Variants in CSGALNACT1 observed in about 807,000 individuals in gnomAD.
CSGALNACT1 encodes the protein chondroitin sulfate N-acetylgalactosaminyltransferase 1.
A neutral mutation model predicts 51.0 loss-of-function variants in CSGALNACT1; 52 were observed. The observed-to-expected ratio is 1.02, with a 90% confidence interval of 0.82 to 1.29. CSGALNACT1 has a LOEUF of 1.29. Ranked by LOEUF, CSGALNACT1 falls within the 50% of genes most tolerant of loss-of-function variation. The pLI, the probability that CSGALNACT1 is intolerant of heterozygous loss-of-function variation, is 0.00. For missense variants in CSGALNACT1, 935 were observed against 679.2 expected (o/e 1.38, Z -4.19); for synonymous variants, 341 against 254.4 (o/e 1.34, Z -3.24).
intron 1 of CSGALNACT1, among the ~76,000 whole-genome samples, chr8:19,696,123 T>C (rs1404238924): frequency 6.6e-6 from 1 of 152,226 alleles, no homozygotes; most frequent in African/African-American, 2.4e-5. Flanking sequence ...CTTACGGCTA[T>C]GGCTGAATTC....
chr8:19,609,255 T>C (rs1343077410), intron 1 of CSGALNACT1, among the ~76,000 whole-genome samples: 1 of 150,668 alleles, frequency 6.6e-6, no homozygotes, highest in East Asian at 1.9e-4. Context: ...TATAGTAATA[T>C]TGCTTATAGA....
exon 10 of CSGALNACT1, chr8:19,404,645 T>C (rs775728881): frequency 2.2e-6 from 1 of 448,980 alleles, no homozygotes; most frequent in South Asian, 1.6e-5. Context: ...TTTCTTCTTA[T>C]GGAAGCCAGA....
intron 1 of CSGALNACT1, among the ~76,000 whole-genome samples, chr8:19,679,745 G>A (rs983321317): frequency 1.3e-5 from 2 of 152,094 alleles, no homozygotes; most frequent in African/African-American, 4.8e-5. Context: ...AAATTCCTTG[G>A]GTTATGAAAA....
intron 5 of CSGALNACT1, 64 bp from the exon 5 acceptor site, chr8:19,439,995 A>C (rs1224567781): frequency 7.3e-7 from 1 of 1,362,258 alleles, no homozygotes. Flanking sequence ...AGCACAAACC[A>C]ATACCTTTTT....
intron 1 of CSGALNACT1, among the ~76,000 whole-genome samples, chr8:19,661,868 C>G (rs112950209): frequency 1.3e-5 from 2 of 152,252 alleles, no homozygotes; most frequent in African/African-American, 4.8e-5. Flanking sequence ...TCTATGTGAA[C>G]AGTTTCTCCT....
intron 5 of CSGALNACT1, chr8:19,457,609 T>A: frequency 8.3e-7 from 1 of 1,201,730 alleles, no homozygotes; most frequent in Non-Finnish European, 1.1e-6. Context: ...TAAGACTCCA[T>A]CTCAAAAAAA....
chr8:19,505,297 A>G (rs1563777197), exon 4 of CSGALNACT1: 6 of 1,613,922 alleles, frequency 3.7e-6, no homozygotes, highest in Non-Finnish European at 3.4e-6. Context: ...GCTTCCACCA[A>G]CTCATCCCGC....
At chr8:19,531,227 A>G (rs746233861) in intron 3 of CSGALNACT1, among the ~76,000 whole-genome samples, 7 of 152,206 alleles carry the variant, frequency 4.6e-5, no homozygotes, top group Non-Finnish European at 1.0e-4. Flanking sequence ...TAGAGTTGGA[A>G]ACATTGAAAC....
chr8:19,500,337 T>A (rs2076207292), intron 4 of CSGALNACT1, among the ~76,000 whole-genome samples: 1 of 152,170 alleles, frequency 6.6e-6, no homozygotes, highest in South Asian at 2.1e-4. Context: ...AGTACAAGTG[T>A]GACCCACCAC....
chr8:19,489,787 A>G lies in CSGALNACT1; in HGVS notation c.634+15414T>C, dbSNP rs113506779. Among the ~76,000 whole-genome samples, 762 of 152,270 alleles carry G rather than the reference A, an allele frequency of 5.0e-3. 4 individuals are homozygous for G. Among genetic ancestry groups the G allele is most frequent in the African/African-American group, 0.018 (732 of 41,538 alleles). ...TGTTAAACATAGCTGTGTGTCTCCA[A>G]TTTTAAATTAAAACCAAAAATCTCT... is the stretch of plus-strand genomic sequence containing the variant. On this transcript the variant is annotated intron_variant, in intron 4 of 9. Coordinates refer to ENST00000454498, the Ensembl canonical transcript of CSGALNACT1.
At chr8:19,695,203 G>C (rs766156552) in intron 1 of CSGALNACT1, among the ~76,000 whole-genome samples, 1 of 152,060 alleles carries the variant, frequency 6.6e-6, no homozygotes, top group East Asian at 1.9e-4. Flanking sequence ...TAAAACCACT[G>C]ACTTCATTTC....
chr8:19,603,988 C>T (rs2050980581), upstream of CSGALNACT1, among the ~76,000 whole-genome samples: 1 of 152,190 alleles, frequency 6.6e-6, no homozygotes, highest in Admixed American at 6.5e-5. Flanking sequence ...ACTAGCAATA[C>T]CAAACTGCAG....
chr8:19,465,841 C>T (rs968405403), intron 4 of CSGALNACT1, among the ~76,000 whole-genome samples: 2 of 130,998 alleles, frequency 1.5e-5, no homozygotes, highest in Non-Finnish European at 3.3e-5. Context: ...TCAATGAAGG[C>T]CTGGGATAAA....
chr8:19,476,125 A>C (rs912757454), intron 4 of CSGALNACT1, among the ~76,000 whole-genome samples: 25 of 152,344 alleles, frequency 1.6e-4, no homozygotes, highest in African/African-American at 5.5e-4. Flanking sequence ...CAATTGAATA[A>C]GATGTCAACT....
At chr8:19,673,206 G>A (rs17128821) in intron 1 of CSGALNACT1, among the ~76,000 whole-genome samples, 12,291 of 152,262 alleles carry the variant, frequency 0.081, 701 homozygotes, top group African/African-American at 0.16. Context: ...CCGATGCAAG[G>A]AACAAAGGGG....
At chr8:19,548,869 A>G (rs921434549) in intron 3 of CSGALNACT1, among the ~76,000 whole-genome samples, 2 of 152,178 alleles carry the variant, frequency 1.3e-5, no homozygotes, top group South Asian at 2.1e-4. Context: ...GCCCTTCTAC[A>G]GTAGAGTGGT....
At chr8:19,475,845 G>T (rs1368881108) in intron 4 of CSGALNACT1, among the ~76,000 whole-genome samples, 4 of 152,158 alleles carry the variant, frequency 2.6e-5, no homozygotes. Flanking sequence ...AGACAGCCTG[G>T]CACGTGAGAA....
In CSGALNACT1 at chr8:19,466,101, C is replaced by T. The variant is rs1196651819; in HGVS notation, c.635-7459G>A. Among the ~76,000 whole-genome samples, 5 of 151,968 alleles carry T rather than the reference C, an allele frequency of 3.3e-5. No individual in the cohort carries two copies. In the East Asian group the frequency reaches 9.6e-4, roughly 29 times the overall value. On this transcript the variant is annotated intron_variant, in intron 4 of 9. Transcript: ENST00000454498. ...CTATCTGAAGTTCCAATCTCCAACA[C>T]ACTGAAAAGGGTAAATTTTGAAAGG...
At chr8:19,551,574 T>A in intron 3 of CSGALNACT1, among the ~76,000 whole-genome samples, 1 of 152,318 alleles carries the variant, frequency 6.6e-6, no homozygotes, top group East Asian at 1.9e-4. Flanking sequence ...GGCTTCCTAT[T>A]GCGTGCAAGC....
Sources: gnomAD v4.1 joint callset for allele counts (sites outside exome capture counted in the v4.1 genomes callset) on GRCh38, gnomAD v4.1.1 for gene constraint, MANE v1.5 for transcripts, NCBI Gene and HGNC (gene_info 2026-07-23, HGNC 2026-07-21) for gene names.